Variants in DAB1 observed in about 807,000 individuals in gnomAD.
The protein encoded by DAB1 is disabled homolog 1.
A neutral mutation model predicts 64.6 loss-of-function variants in DAB1; 15 were observed. The observed-to-expected ratio is 0.23, with a 90% CI of 0.16 to 0.36. The LOEUF is 0.36. DAB1 is among the 10% of genes least tolerant of loss of function. The probability of loss-of-function intolerance (pLI) is 1.00; values close to 1 mark genes in which losing one functional copy is unlikely to be tolerated. For missense variants in DAB1, 596 were observed against 706.7 expected (o/e 0.84, Z 1.78); for synonymous variants, 235 against 251.9 (o/e 0.93, Z 0.64).
chr1:57,755,601 C>A (rs1377194291), intron 6 of DAB1, among the ~76,000 whole-genome samples: 1 of 152,190 alleles, frequency 6.6e-6, no homozygotes, highest in Non-Finnish European at 1.5e-5. Flanking sequence ...AAACTTTCAG[C>A]ATTTCTTACT....
intron 5 of DAB1, among the ~76,000 whole-genome samples, chr1:58,002,972 T>C (rs981861396): frequency 6.6e-6 from 1 of 152,216 alleles, no homozygotes; most frequent in African/African-American, 2.4e-5. Context: ...TTAAAATGTA[T>C]GGAGGAGCTC....
At chr1:57,537,386 G>A (rs1202029994) in intron 7 of DAB1, among the ~76,000 whole-genome samples, 2 of 152,142 alleles carry the variant, frequency 1.3e-5, no homozygotes, top group Non-Finnish European at 2.9e-5. Context: ...TTATCCAACG[G>A]CTATGATCAC....
At chr1:57,122,086 TA>T (rs748790786) in intron 4 of DAB1, among the ~76,000 whole-genome samples, 2 of 152,136 alleles carry the variant, frequency 1.3e-5, no homozygotes, top group Non-Finnish European at 2.9e-5. Context: ...TCTGCTTACT[TA>T]ATGAGAATGA....
At chr1:58,334,593 T>TATTAC (rs1663056668) in intron 4 of DAB1, among the ~76,000 whole-genome samples, 1 of 141,534 alleles carries the variant, frequency 7.1e-6, no homozygotes, top group Admixed American at 7.8e-5. Context: ...ATTTATCTTA[T>TATTAC]ATTATATTAC....
At chr1:57,232,424 T>C (rs1046815057) in intron 2 of DAB1, among the ~76,000 whole-genome samples, 1 of 152,064 alleles carries the variant, frequency 6.6e-6, no homozygotes, top group African/African-American at 2.4e-5. Flanking sequence ...AACATATATT[T>C]ACTATGCAAC....
At chr1:58,095,459 G>T (rs1177247724) in intron 5 of DAB1, among the ~76,000 whole-genome samples, 1 of 152,182 alleles carries the variant, frequency 6.6e-6, no homozygotes, top group Non-Finnish European at 1.5e-5. Flanking sequence ...GGACAGAGCA[G>T]GCTTCAGTGT....
chr1:58,120,447 T>C (rs1259930024), intron 5 of DAB1, among the ~76,000 whole-genome samples: 3 of 152,106 alleles, frequency 2.0e-5, no homozygotes, highest in Non-Finnish European at 4.4e-5. Context: ...GGGGACCTTA[T>C]AAAAAGCTTA....
chr1:58,133,916 C>G (rs1439490567), intron 5 of DAB1, among the ~76,000 whole-genome samples: 4 of 152,120 alleles, frequency 2.6e-5, no homozygotes, highest in Non-Finnish European at 5.9e-5. Context: ...CTCTGCTCTT[C>G]TTTTCAGGCT....
chr1:57,237,742 C>T (rs1306273028), intron 2 of DAB1, among the ~76,000 whole-genome samples: 1 of 152,130 alleles, frequency 6.6e-6, no homozygotes, highest in African/African-American at 2.4e-5. Flanking sequence ...AGAGAGATTA[C>T]TCAAATTGTT....
chr1:58,356,344 G>A (rs1314480478), intron 3 of DAB1, among the ~76,000 whole-genome samples: 1 of 152,022 alleles, frequency 6.6e-6, no homozygotes, highest in Non-Finnish European at 1.5e-5. Flanking sequence ...GTACAAGCAG[G>A]GAAGACCTGC....
At chr1:57,502,290 G>T (rs1345608394) in intron 7 of DAB1, among the ~76,000 whole-genome samples, 4 of 132,326 alleles carry the variant, frequency 3.0e-5, no homozygotes, top group African/African-American at 8.2e-5. Flanking sequence ...CTGCACTCCA[G>T]CCTGGGCGAC....
intron 4 of DAB1, among the ~76,000 whole-genome samples, chr1:58,213,398 C>T (rs1425827410): frequency 1.3e-5 from 2 of 152,086 alleles, no homozygotes; most frequent in African/African-American, 4.8e-5. Flanking sequence ...AGAGGTTGAA[C>T]TGAGTCACAG....
chr1:57,327,001 C>T (rs1382844231), intron 1 of DAB1, among the ~76,000 whole-genome samples: 1 of 152,078 alleles, frequency 6.6e-6, no homozygotes, highest in Non-Finnish European at 1.5e-5. Flanking sequence ...TGCAGTGGCA[C>T]AATCTTGGTT....
At chr1:58,010,231 A>C (rs1646647900) in intron 5 of DAB1, among the ~76,000 whole-genome samples, 1 of 152,186 alleles carries the variant, frequency 6.6e-6, no homozygotes, top group Admixed American at 6.6e-5. Context: ...TTCCCACCTT[A>C]GAGATGCAGA....
At chr1:57,216,197 TG>T (rs1666416068) in intron 2 of DAB1, among the ~76,000 whole-genome samples, 1 of 152,054 alleles carries the variant, frequency 6.6e-6, no homozygotes, top group African/African-American at 2.4e-5. Context: ...TTATTAGCTG[TG>T]TAGCCTTAGG....
intron 1 of DAB1, among the ~76,000 whole-genome samples, chr1:58,532,480 T>C (rs1268682332): frequency 6.6e-6 from 1 of 152,246 alleles, no homozygotes; most frequent in Non-Finnish European, 1.5e-5. Flanking sequence ...ATAATAACAC[T>C]GCTTAGACGT....
At chr1:57,416,151 C>A (rs866828322) in intron 1 of DAB1, among the ~76,000 whole-genome samples, 3 of 152,178 alleles carry the variant, frequency 2.0e-5, no homozygotes, top group African/African-American at 7.2e-5. Flanking sequence ...ATTCACTCTA[C>A]ATGTTGACAT....
chr1:58,178,143 C>T (rs988689705), intron 4 of DAB1, among the ~76,000 whole-genome samples: 2 of 152,162 alleles, frequency 1.3e-5, no homozygotes, highest in African/African-American at 4.8e-5. Context: ...TAACCTCTTA[C>T]TAATTAAAGT....
chr1:57,245,673 G>T (rs900630801), intron 2 of DAB1, among the ~76,000 whole-genome samples: 5 of 152,288 alleles, frequency 3.3e-5, no homozygotes, highest in Middle Eastern at 3.4e-3. Context: ...TCTTAATCCA[G>T]TCTATCATTG....
Sources: allele counts gnomAD v4.1 joint callset (sites outside exome capture counted in the v4.1 genomes callset), GRCh38; gene constraint gnomAD v4.1.1; transcripts MANE v1.5; gene names NCBI Gene and HGNC (gene_info 2026-07-23, HGNC 2026-07-21).